The following LYPLAL1 variants were observed in gnomAD, a reference collection of about 807,000 sequenced individuals.
LYPLAL1 encodes the protein lysophospholipase-like protein 1.
LYPLAL1 carries 23 observed loss-of-function variants against 19.7 expected under a neutral mutation model. That is an observed-to-expected ratio of 1.17 (90% CI 0.84 to 1.65). The LOEUF (loss-of-function observed/expected upper bound fraction) is 1.65, where lower values mean the gene tolerates loss of function less well. Among genes scored for constraint, LYPLAL1 ranks in the 40% most tolerant of loss-of-function variants. The probability of loss-of-function intolerance (pLI) is 0.00; values close to 1 mark genes in which losing one functional copy is unlikely to be tolerated. For synonymous variants in LYPLAL1, 119 were observed against 96.3 expected (o/e 1.24, Z -1.38); for missense variants, 355 against 279.4 (o/e 1.27, Z -1.93).
At chr1:219,429,582 A>C in the LYPLAL1 span, among the ~76,000 whole-genome samples, 1 of 152,106 alleles carries the variant, frequency 6.6e-6, no homozygotes, top group Admixed American at 6.6e-5. Context: ...GTTTGAACCC[A>C]GGAGGTTGAG....
the LYPLAL1 span, among the ~76,000 whole-genome samples, chr1:219,246,846 A>G: frequency 4.7e-4 from 71 of 152,326 alleles, no homozygotes; most frequent in African/African-American, 1.7e-3. Context: ...CTGGCCTCCC[A>G]AAATGCTGAG....
chr1:219,232,404 G>T, the LYPLAL1 span, among the ~76,000 whole-genome samples: 5 of 152,110 alleles, frequency 3.3e-5, no homozygotes, highest in African/African-American at 1.2e-4. Flanking sequence ...GCTCGGAATG[G>T]ATCAATGAGG....
At chr1:219,219,506 G>A in the LYPLAL1 span, among the ~76,000 whole-genome samples, 11 of 152,306 alleles carry the variant, frequency 7.2e-5, no homozygotes, top group Middle Eastern at 3.4e-3. Context: ...GTGGTCTTCT[G>A]GCCATCTGGT....
chr1:219,354,246 G>A, the LYPLAL1 span, among the ~76,000 whole-genome samples: 1 of 152,180 alleles, frequency 6.6e-6, no homozygotes, highest in Non-Finnish European at 1.5e-5. Context: ...GCCCAGGCTA[G>A]AGTGCAGTGG....
chr1:219,194,169 A>T (rs1159402215), intron 3 of LYPLAL1, among the ~76,000 whole-genome samples: 7 of 151,906 alleles, frequency 4.6e-5, no homozygotes, highest in African/African-American at 1.7e-4. Context: ...CTCTAGCATA[A>T]CAACATCACC....
chr1:219,241,919 C>T, the LYPLAL1 span, among the ~76,000 whole-genome samples: 2 of 152,124 alleles, frequency 1.3e-5, no homozygotes, highest in South Asian at 4.1e-4. Flanking sequence ...AGTGTGATTA[C>T]AGATGCAAAG....
At chr1:219,192,729 G>C (rs918215432) in intron 2 of LYPLAL1, among the ~76,000 whole-genome samples, 1 of 151,528 alleles carries the variant, frequency 6.6e-6, no homozygotes, top group Admixed American at 6.6e-5. Flanking sequence ...TGGTGTGTGT[G>C]CCTGTGCACG....
the LYPLAL1 span, among the ~76,000 whole-genome samples, chr1:219,374,507 A>G: frequency 1.3e-5 from 2 of 152,074 alleles, no homozygotes; most frequent in Non-Finnish European, 2.9e-5. Flanking sequence ...CTGGACAGAA[A>G]TATTGTTATA....
At chr1:219,246,953 C>G in the LYPLAL1 span, among the ~76,000 whole-genome samples, 7 of 152,132 alleles carry the variant, frequency 4.6e-5, no homozygotes, top group Non-Finnish European at 1.0e-4. Context: ...TTGAAAAACA[C>G]CTAAGTTAAA....
At chr1:219,261,074 C>G in the LYPLAL1 span, among the ~76,000 whole-genome samples, 1 of 152,042 alleles carries the variant, frequency 6.6e-6, no homozygotes, top group Non-Finnish European at 1.5e-5. Flanking sequence ...CCAAAAGACT[C>G]AGTAGTGACT....
the LYPLAL1 span, among the ~76,000 whole-genome samples, chr1:219,249,778 G>A: frequency 1.3e-5 from 2 of 151,834 alleles, no homozygotes; most frequent in African/African-American, 2.4e-5. Context: ...TTAACATTTC[G>A]CTGATAACTA....
At chr1:219,198,262 CCAGT>C (rs1212872631) in intron 3 of LYPLAL1, among the ~76,000 whole-genome samples, 1 of 151,626 alleles carries the variant, frequency 6.6e-6, no homozygotes, top group East Asian at 1.9e-4. Flanking sequence ...GCAGAAATGA[CCAGT>C]CAATTATAGG....
At chr1:219,339,443 CATT>C in the LYPLAL1 span, among the ~76,000 whole-genome samples, 1 of 151,956 alleles carries the variant, frequency 6.6e-6, no homozygotes, top group Non-Finnish European at 1.5e-5. Context: ...CTGTTCTCTC[CATT>C]ATTATTAAGA....
At chr1:219,351,751 T>G in the LYPLAL1 span, among the ~76,000 whole-genome samples, 13 of 152,364 alleles carry the variant, frequency 8.5e-5, no homozygotes, top group South Asian at 2.3e-3. Context: ...GCACTAAGAC[T>G]CTTAGTAAAC....
chr1:219,180,673 A>G (rs949985702), intron 2 of LYPLAL1, among the ~76,000 whole-genome samples: 14 of 152,230 alleles, frequency 9.2e-5, no homozygotes, highest in African/African-American at 3.1e-4. Flanking sequence ...CAGGGATGAA[A>G]GATAAGTTCA....
At chr1:219,184,296 T>G (rs1267176803) in intron 2 of LYPLAL1, among the ~76,000 whole-genome samples, 1 of 151,938 alleles carries the variant, frequency 6.6e-6, no homozygotes, top group Admixed American at 6.6e-5. Context: ...TTATTGTAAA[T>G]GGAATGTTAA....
the LYPLAL1 span, among the ~76,000 whole-genome samples, chr1:219,311,422 A>G: frequency 6.6e-6 from 1 of 152,124 alleles, no homozygotes; most frequent in Admixed American, 6.5e-5. Context: ...GGAACTATGG[A>G]ACAAATATTC....
chr1:219,187,845 G>C (rs984279022), intron 2 of LYPLAL1, among the ~76,000 whole-genome samples: 1 of 151,694 alleles, frequency 6.6e-6, no homozygotes, highest in African/African-American at 2.4e-5. Flanking sequence ...TGCTAGTAAG[G>C]AACCCTACTA....
intron 3 of LYPLAL1, among the ~76,000 whole-genome samples, chr1:219,203,711 A>AG (rs1280312829): frequency 6.6e-6 from 1 of 152,198 alleles, no homozygotes; most frequent in African/African-American, 2.4e-5. Flanking sequence ...CCCAAATCCT[A>AG]GTATCATTGA....
Sources: gnomAD v4.1 joint callset for allele counts (sites outside exome capture counted in the v4.1 genomes callset) on GRCh38, gnomAD v4.1.1 for gene constraint, MANE v1.5 for transcripts, NCBI Gene and HGNC (gene_info 2026-07-23, HGNC 2026-07-21) for gene names.